RGS7: variants seen among roughly 807,000 people sequenced by gnomAD.
The protein encoded by RGS7 is regulator of G-protein signaling 7.
A neutral mutation model predicts 81.1 loss-of-function variants in RGS7; 27 were observed. The observed-to-expected ratio is 0.33, with a 90% CI of 0.25 to 0.46. The LOEUF is 0.46. RGS7 is among the 20% of genes least tolerant of loss of function. The pLI is 1.00. For missense variants in RGS7, 396 were observed against 607.4 expected, an observed-to-expected ratio of 0.65 and a Z score of 3.66; for synonymous variants, 208 against 207.7, an observed-to-expected ratio of 1.00 and a Z score of -0.01.
At chr1:241,004,314 A>T (rs1468715122) in intron 3 of RGS7, among the ~76,000 whole-genome samples, 1 of 152,100 alleles carries the variant, frequency 6.6e-6, no homozygotes, top group South Asian at 2.1e-4. Context: ...CCTTTTGTTC[A>T]TTCCACAATA....
chr1:241,261,432 A>G (rs2077326660), intron 2 of RGS7, among the ~76,000 whole-genome samples: 1 of 151,982 alleles, frequency 6.6e-6, no homozygotes, highest in African/African-American at 2.4e-5. Flanking sequence ...CATCCTGGCC[A>G]ACATGGGAGA....
intron 4 of RGS7, among the ~76,000 whole-genome samples, chr1:240,971,393 A>G (rs117419122): frequency 6.6e-6 from 1 of 152,340 alleles, no homozygotes; most frequent in East Asian, 1.9e-4. Flanking sequence ...GCAAAAATAA[A>G]TTCCTCCCTT....
At chr1:240,971,038 G>A (rs1683128366) in intron 4 of RGS7, among the ~76,000 whole-genome samples, 1 of 152,042 alleles carries the variant, frequency 6.6e-6, no homozygotes, top group African/African-American at 2.4e-5. Context: ...CATAATTTTG[G>A]TGGCTCTGCT....
chr1:240,830,471 T>G (rs1693635497), intron 9 of RGS7, among the ~76,000 whole-genome samples: 3 of 152,338 alleles, frequency 2.0e-5, no homozygotes, highest in Admixed American at 2.0e-4. Context: ...TGCACAAGAC[T>G]GTAAAAACAA....
At chr1:240,997,714 C>T (rs1473052058) in intron 3 of RGS7, among the ~76,000 whole-genome samples, 1 of 152,158 alleles carries the variant, frequency 6.6e-6, no homozygotes, top group Non-Finnish European at 1.5e-5. Context: ...ATCCCAGCTA[C>T]TCAGGAGGCT....
In RGS7 at chr1:241,291,823, G is replaced by A. The variant is rs150130968; in HGVS notation, c.78+63876C>T. Among the ~76,000 whole-genome samples, 924 of 152,046 alleles carry A rather than the reference G, an allele frequency of 6.1e-3. 11 individuals carry two copies. Among genetic ancestry groups the A allele is most frequent in the African/African-American group, 0.02 (849 of 41,488 alleles). ...ACTCCTGACCTCAGGTGATCCACCC[G>A]CCTCAGCCTCAAAGTGCTGGGATTA... On this transcript the variant is annotated intron_variant, in intron 2 of 18. Transcript: ENST00000440928.
intron 2 of RGS7, among the ~76,000 whole-genome samples, chr1:241,284,017 AGGC>A (rs1435786173): frequency 6.6e-6 from 1 of 151,894 alleles, no homozygotes. Context: ...TTATTTACTG[AGGC>A]TTTCTATTTT....
chr1:241,258,196 G>A (rs116163228), intron 2 of RGS7, among the ~76,000 whole-genome samples: 3,097 of 152,036 alleles, frequency 0.02, 40 homozygotes, highest in Non-Finnish European at 0.035. Context: ...TTCTCTTATG[G>A]AAATGGAATT....
intron 2 of RGS7, among the ~76,000 whole-genome samples, chr1:241,326,088 A>G (rs1163329590): frequency 1.3e-5 from 2 of 152,174 alleles, no homozygotes; most frequent in African/African-American, 2.4e-5. Context: ...CAGGAAAGTC[A>G]TAATACTTTC....
In RGS7 at chr1:240,801,249, C is replaced by G. The variant is rs536224697; in HGVS notation, c.1413+206G>C. Among the ~76,000 whole-genome samples, 88 of 152,152 alleles carry G rather than the reference C, an allele frequency of 5.8e-4. 1 individual carries two copies. The highest frequency in any genetic ancestry group is 5.2e-3 in the Admixed American group (79 of 15,272). On this transcript the variant is annotated intron_variant, in intron 17 of 18. Coordinates refer to ENST00000440928, the MANE Select transcript of RGS7 (RefSeq NM_001364886.1). The stretch of plus-strand genomic sequence containing the variant: ...CCAAACTTTAATTCTGTACAGATAA[C>G]TTGTTCATATATAACATCTTTTTCT...
At chr1:240,878,489 C>CTTTTTTTTTTTTTT (rs57896753) in intron 6 of RGS7, among the ~76,000 whole-genome samples, 6 of 117,578 alleles carry the variant, frequency 5.1e-5, no homozygotes, top group Admixed American at 9.0e-5. Flanking sequence ...TTTTTTCTTT[C>CTTTTTTTTTTTTTT]TTTTTTTTTT....
At chr1:241,065,073 C>A (rs2061981578) in intron 3 of RGS7, among the ~76,000 whole-genome samples, 1 of 151,986 alleles carries the variant, frequency 6.6e-6, no homozygotes, top group African/African-American at 2.4e-5. Flanking sequence ...CGGGAAGATA[C>A]ACCTCCACCA....
chr1:241,215,086 A>C (rs1474678035), intron 2 of RGS7, among the ~76,000 whole-genome samples: 2 of 152,152 alleles, frequency 1.3e-5, no homozygotes, highest in African/African-American at 4.8e-5. Context: ...ATAACTTTTG[A>C]TTGTATAGTG....
intron 3 of RGS7, among the ~76,000 whole-genome samples, chr1:241,086,589 A>G (rs1361721721): frequency 2.0e-5 from 3 of 151,426 alleles, no homozygotes; most frequent in East Asian, 1.9e-4. Context: ...CTTTTCTACC[A>G]TCTGATGTTT....
intron 2 of RGS7, among the ~76,000 whole-genome samples, chr1:241,165,710 G>A (rs1412762995): frequency 2.0e-5 from 3 of 150,808 alleles, no homozygotes; most frequent in Admixed American, 6.6e-5. Flanking sequence ...CAGCACATCA[G>A]CATGGCACAT....
At chr1:241,353,881 C>A (rs1336429212) in intron 2 of RGS7, among the ~76,000 whole-genome samples, 1 of 152,120 alleles carries the variant, frequency 6.6e-6, no homozygotes, top group East Asian at 1.9e-4. Flanking sequence ...ACTAAACAGT[C>A]AAATAACTAT....
At chr1:241,273,182 C>CCCG (rs10687847) in intron 2 of RGS7, among the ~76,000 whole-genome samples, 34,070 of 137,238 alleles carry the variant, frequency 0.25, 5,276 homozygotes, top group Non-Finnish European at 0.31. Context: ...TGAACCCCCC[C>CCCG]CCCCAAAGGA....
intron 3 of RGS7, among the ~76,000 whole-genome samples, chr1:241,032,721 T>C (rs1461637068): frequency 6.6e-6 from 1 of 152,208 alleles, no homozygotes; most frequent in African/African-American, 2.4e-5. Flanking sequence ...CATATATTCC[T>C]ATTTATTTTA....
At chr1:241,177,032 C>A (rs964551127) in intron 2 of RGS7, among the ~76,000 whole-genome samples, 1 of 152,216 alleles carries the variant, frequency 6.6e-6, no homozygotes, top group Admixed American at 6.5e-5. Context: ...TGAGCACCTG[C>A]TGTGTGCTCT....
Sources: gnomAD v4.1 joint callset for allele counts (sites outside exome capture counted in the v4.1 genomes callset) on GRCh38, gnomAD v4.1.1 for gene constraint, MANE v1.5 for transcripts, NCBI Gene and HGNC (gene_info 2026-07-23, HGNC 2026-07-21) for gene names.